The following ATP11A variants were observed in gnomAD, a reference collection of about 807,000 sequenced individuals.
ATP11A encodes ATPase phospholipid transporting 11A, also known as phospholipid-transporting ATPase IH.
Under a neutral mutation model 154.4 loss-of-function variants are expected in ATP11A, and 81 were observed. That is an observed-to-expected ratio of 0.52 (90% CI 0.44 to 0.63). ATP11A has a LOEUF of 0.63. Ranked by LOEUF, ATP11A falls within the 30% of genes least tolerant of loss-of-function variation. The pLI is 0.00. For synonymous variants in ATP11A, 623 were observed against 585.9 expected, an observed-to-expected ratio of 1.06 and a Z score of -0.91; for missense variants, 1,316 against 1,474.3, an observed-to-expected ratio of 0.89 and a Z score of 1.76.
rs571901140 is a variant in ATP11A, at chr13:112,762,871, A to T, written c.40-22264A>T. On this transcript the variant is annotated intron_variant, in intron 1 of 29. Transcript: ENST00000375645. ...TCAGTCACGTGTGTGCCGGGAGCACAGGCCTTCCTCGCCGTGCGCGGCTCC... is the reference window on the plus strand; with the variant it reads ...TCAGTCACGTGTGTGCCGGGAGCACTGGCCTTCCTCGCCGTGCGCGGCTCC... Among the ~76,000 whole-genome samples the T allele has an allele frequency of 3.3e-5, 5 of 152,376 alleles. No individual in the cohort carries two copies. In the East Asian group the frequency reaches 7.7e-4, roughly 24 times the overall value.
chr13:112,704,405 A>G (rs1886919539), intron 1 of ATP11A, among the ~76,000 whole-genome samples: 1 of 152,240 alleles, frequency 6.6e-6, no homozygotes. Flanking sequence ...AAGTGGCTCC[A>G]GCACTCAGCA....
chr13:112,766,166 C>T (rs1406193673), intron 1 of ATP11A, among the ~76,000 whole-genome samples: 3 of 152,216 alleles, frequency 2.0e-5, no homozygotes, highest in Non-Finnish European at 2.9e-5. Context: ...GTGGTGGAGA[C>T]GGACTTCTTA....
chr13:112,713,230 A>C (rs1250410219), intron 1 of ATP11A, among the ~76,000 whole-genome samples: 2 of 152,180 alleles, frequency 1.3e-5, no homozygotes, highest in African/African-American at 4.8e-5. Flanking sequence ...CCCCGTCTCT[A>C]CTAAAAATAC....
intron 2 of ATP11A, among the ~76,000 whole-genome samples, chr13:112,802,847 GA>G (rs1232779401): frequency 6.6e-6 from 1 of 152,178 alleles, no homozygotes; most frequent in Non-Finnish European, 1.5e-5. Flanking sequence ...CTGACTGGGA[GA>G]ATAGATTTGC....
intron 2 of ATP11A, among the ~76,000 whole-genome samples, chr13:112,786,917 C>T (rs111801027): frequency 0.012 from 1,756 of 146,282 alleles, 56 homozygotes; most frequent in African/African-American, 0.042. Flanking sequence ...TAATTCACAC[C>T]GGTGTCCTGA....
chr13:112,701,151 G>A (rs1886475211), intron 1 of ATP11A, among the ~76,000 whole-genome samples: 1 of 152,182 alleles, frequency 6.6e-6, no homozygotes, highest in South Asian at 2.1e-4. Context: ...GCCTGTGGCC[G>A]TCTCCACGGT....
chr13:112,785,118 C>T lies in ATP11A; in HGVS notation c.40-17C>T, dbSNP rs776314383. On this transcript the variant is annotated splice_polypyrimidine_tract_variant and intron_variant, in intron 1 of 29. Coordinates refer to ENST00000375645, the MANE Select transcript of ATP11A (RefSeq NM_015205.3). This position sits in a 1 kb window ranked among gnomAD's most constrained non-coding sequence, Gnocchi z 4.8. The stretch of plus-strand genomic sequence containing the variant: ...AGGTTCTGAGGCAGCTGCCTAACAC[C>T]GCTCTCCTTTCCGCAGTGTGCAGGA... 9.6e-6 allele frequency: 14 copies of T among 1,454,806 alleles called. No homozygotes were observed. Among genetic ancestry groups the T allele is most frequent in the Admixed American group, 7.8e-5 (3 of 38,500 alleles). 90.1% of individuals were successfully genotyped at this position (1,454,806 alleles called of 1,614,324 possible).
At chr13:112,756,185 CCAAAAT>C (rs1358766768) in intron 1 of ATP11A, among the ~76,000 whole-genome samples, 1 of 152,232 alleles carries the variant, frequency 6.6e-6, no homozygotes, top group Non-Finnish European at 1.5e-5. Context: ...AAAGCCAAAA[CCAAAAT>C]ACAAATTAAA....
intron 1 of ATP11A, among the ~76,000 whole-genome samples, chr13:112,708,538 A>T (rs1887405118): frequency 6.6e-6 from 1 of 152,266 alleles, no homozygotes; most frequent in African/African-American, 2.4e-5. Flanking sequence ...ACAGAAAAGT[A>T]AAACGTAAAA....
chr13:112,871,188 G>A (rs2080509201), intron 25 of ATP11A, among the ~76,000 whole-genome samples: 1 of 152,200 alleles, frequency 6.6e-6, no homozygotes, highest in Non-Finnish European at 1.5e-5. Flanking sequence ...TCCCGCCGCT[G>A]TTCTTCAACA....
At chr13:112,800,042 G>C (rs770956660) in intron 2 of ATP11A, among the ~76,000 whole-genome samples, 3 of 152,152 alleles carry the variant, frequency 2.0e-5, no homozygotes, top group African/African-American at 4.8e-5. Flanking sequence ...GCAGTGCTTA[G>C]AGGGAAATTT....
chr13:112,845,607 A>G (rs1210049947), intron 17 of ATP11A, among the ~76,000 whole-genome samples: 1 of 99,182 alleles, frequency 1.0e-5, no homozygotes, highest in African/African-American at 5.7e-5. Context: ...TCCAGTTACC[A>G]GGCACTAGCG....
chr13:112,690,217 G>C lies in ATP11A; in HGVS notation c.-200G>C, dbSNP rs1164175851. 1 of 169,662 alleles carries C rather than the reference G, an allele frequency of 5.9e-6. No individual in the cohort carries two copies. Among genetic ancestry groups the C allele is most frequent in the East Asian group, 1.9e-4 (1 of 5,374 alleles). The allele number at this position is 169,662 out of a possible 1,614,324, so 10.5% of individuals were successfully genotyped here. On this transcript the variant is annotated 5_prime_UTR_variant, in exon 1 of 30. Transcript: ENST00000375645. The surrounding 1 kb of genome is among the most constrained non-coding windows in gnomAD (Gnocchi z 5.6). ...TGCCGCCAGTGGAGCAGCTGCCGAC[G>C]CGCGGGGCCGCGGACCCAGCATTCG...
chr13:112,881,466 G>A, intron 29 of ATP11A: 1 of 1,096,574 alleles, frequency 9.1e-7, no homozygotes, highest in Non-Finnish European at 1.1e-6. Context: ...CGAGCTCACT[G>A]CACAGGAAGC....
At chr13:112,869,106 A>G (rs2080430658) in intron 25 of ATP11A, among the ~76,000 whole-genome samples, 1 of 152,168 alleles carries the variant, frequency 6.6e-6, no homozygotes, top group African/African-American at 2.4e-5. Flanking sequence ...GCCAAACCAC[A>G]TCATGGCAGT....
chr13:112,820,099 C>T (rs552486169), intron 8 of ATP11A, 149 bp downstream of exon 8: 14 of 758,580 alleles, frequency 1.8e-5, no homozygotes, highest in African/African-American at 1.3e-4. Context: ...GCTCCACTCT[C>T]GTCTCTGGTT....
At chr13:112,814,260 A>G (rs2078582331) in intron 5 of ATP11A, among the ~76,000 whole-genome samples, 1 of 151,602 alleles carries the variant, frequency 6.6e-6, no homozygotes. Context: ...ATGGGGTTTC[A>G]CCATTTTGCC....
intron 2 of ATP11A, among the ~76,000 whole-genome samples, chr13:112,794,593 G>A (rs576307799): frequency 3.0e-4 from 45 of 152,330 alleles, no homozygotes; most frequent in Non-Finnish European, 5.9e-4. Flanking sequence ...ATTGAGGCCA[G>A]GCGCAGTGGC....
At chr13:112,869,333 G>A (rs1435169393) in intron 25 of ATP11A, among the ~76,000 whole-genome samples, 2 of 152,248 alleles carry the variant, frequency 1.3e-5, no homozygotes, top group African/African-American at 4.8e-5. Flanking sequence ...TGTGGCCCAT[G>A]TGCTCTGCAG....
Sources: gnomAD v4.1 joint callset for allele counts (sites outside exome capture counted in the v4.1 genomes callset) on GRCh38, gnomAD v4.1.1 for gene constraint, Gnocchi (gnomAD v3.1) non-coding constraint, MANE v1.5 for transcripts, NCBI Gene and HGNC (gene_info 2026-07-23, HGNC 2026-07-21) for gene names.